The following OSBP2 variants were observed in gnomAD, a reference collection of about 807,000 sequenced individuals.
The protein encoded by OSBP2 is oxysterol binding protein 2, also known as oxysterol-binding protein 2.
Under a neutral mutation model 96.0 loss-of-function variants are expected in OSBP2, and 66 were observed. That is an observed-to-expected ratio of 0.69 (90% CI 0.56 to 0.84). OSBP2 has a LOEUF of 0.84. Among genes scored for constraint, OSBP2 ranks in the 40% least tolerant of loss-of-function variants. The pLI is 0.00. For missense variants in OSBP2, 1,038 were observed against 1,222.7 expected (o/e 0.85, Z 2.25); for synonymous variants, 525 against 520.9 (o/e 1.01, Z -0.11).
chr22:30,693,839 C>T (rs2145652986), upstream of OSBP2: 3 of 496,316 alleles, frequency 6.0e-6, no homozygotes, highest in East Asian at 7.2e-5. Flanking sequence ...TGGTGCGGGC[C>T]GTGGAATTCC....
At chr22:30,716,246 T>G (rs1208383803) in intron 1 of OSBP2, among the ~76,000 whole-genome samples, 1 of 151,866 alleles carries the variant, frequency 6.6e-6, no homozygotes. Flanking sequence ...TTTGCCATGT[T>G]GGCCAGGCTG....
chr22:30,737,816 G>A (rs529656821), intron 1 of OSBP2, among the ~76,000 whole-genome samples: 134 of 150,964 alleles, frequency 8.9e-4, no homozygotes, highest in Non-Finnish European at 1.7e-3. Context: ...GGATTCAAGC[G>A]ATTGTCCTGC....
intron 2 of OSBP2, among the ~76,000 whole-genome samples, chr22:30,744,942 A>C (rs944174550): frequency 4.6e-5 from 7 of 152,184 alleles, no homozygotes; most frequent in Admixed American, 3.9e-4. Flanking sequence ...AGTCTCAATA[A>C]ATTTAAAAAA....
chr22:30,813,833 G>C (rs1213890346), intron 2 of OSBP2, among the ~76,000 whole-genome samples: 1 of 148,364 alleles, frequency 6.7e-6, no homozygotes, highest in Non-Finnish European at 1.5e-5. Context: ...ATGGAGTTTT[G>C]CTCTTGTCAT....
chr22:30,818,881 G>T (rs531230116), intron 2 of OSBP2, among the ~76,000 whole-genome samples: 2 of 152,340 alleles, frequency 1.3e-5, no homozygotes, highest in African/African-American at 4.8e-5. Context: ...CCAGTTTGAT[G>T]TGGGGTCAGA....
At chr22:30,822,677 G>T in intron 2 of OSBP2, 1 of 1,533,848 alleles carries the variant, frequency 6.5e-7, no homozygotes, top group Non-Finnish European at 8.7e-7. Context: ...CGCTCCTTCT[G>T]CAGCTCCGGC....
At chr22:30,831,567 G>T (rs1239369621) in intron 2 of OSBP2, among the ~76,000 whole-genome samples, 1 of 152,136 alleles carries the variant, frequency 6.6e-6, no homozygotes, top group Non-Finnish European at 1.5e-5. Context: ...TTCTTGACTT[G>T]TGGGGCAAAT....
At chr22:30,767,545 C>CT (rs695843) in intron 2 of OSBP2, among the ~76,000 whole-genome samples, 39,612 of 146,314 alleles carry the variant, frequency 0.27, 5,277 homozygotes, top group East Asian at 0.3. Context: ...ATCAGAATTC[C>CT]TTTTTTTTTT....
intron 1 of OSBP2, among the ~76,000 whole-genome samples, chr22:30,739,624 G>T (rs190204198): frequency 6.6e-6 from 1 of 152,118 alleles, no homozygotes; most frequent in East Asian, 1.9e-4. Flanking sequence ...ACAGGTGCAC[G>T]CTACCATGCC....
chr22:30,730,300 A>G (rs981154391), intron 1 of OSBP2, among the ~76,000 whole-genome samples: 3 of 152,194 alleles, frequency 2.0e-5, no homozygotes, highest in African/African-American at 7.2e-5. Context: ...ATAAAGTATA[A>G]AAGTATAACA....
In OSBP2 at chr22:30,887,418, CTCCCCAGGCCTGCAGGGACTTCT is replaced by C; in HGVS notation, c.1108-6_1124del. ...CAGGGTCTCATACCGCCACTCCTCC[CTCCCCAGGCCTGCAGGGACTTCT>C]TGGAACTAGCAGAGATACACAGTCG... On this transcript the variant is annotated splice_acceptor_variant and splice_polypyrimidine_tract_variant and coding_sequence_variant and intron_variant, in exon 4 of 14. Transcript: ENST00000332585. LOFTEE classifies it high-confidence loss of function. 6.2e-7 allele frequency: 1 copy of C among 1,608,812 alleles called. No homozygotes were observed. The highest frequency in any genetic ancestry group is 8.5e-7 in the Non-Finnish European group (1 of 1,176,268).
At position 30,889,513 on chromosome 22, in the gene OSBP2, G is replaced by A. The variant is rs777341041; in HGVS notation, c.1500G>A (p.Val500=). ...ADNVLDGASL[V]PKGSSKVKRR... ...AGGTACTAGATGGTGCCTCGCTCGT[G>A]CCCAAGGGTTCATCCAAAGTCAAGA... The change falls in exon 7 of 14, where the codon GTG becomes GTA. Residue 500 remains valine, a synonymous_variant. Transcript: ENST00000332585. 6.2e-7 allele frequency: 1 copy of A among 1,614,106 alleles called. No homozygotes were observed. Among genetic ancestry groups the A allele is most frequent in the South Asian group, 1.1e-5 (1 of 91,088 alleles).
intron 2 of OSBP2, among the ~76,000 whole-genome samples, chr22:30,750,384 A>G (rs1418966464): frequency 6.6e-6 from 1 of 152,164 alleles, no homozygotes; most frequent in East Asian, 1.9e-4. Context: ...TTGCACTGTG[A>G]ATGCAACCAA....
chr22:30,713,260 T>C (rs1483631988), intron 1 of OSBP2, among the ~76,000 whole-genome samples: 1 of 151,806 alleles, frequency 6.6e-6, no homozygotes, highest in Non-Finnish European at 1.5e-5. Flanking sequence ...TTCTATTTTT[T>C]AGTAGAGACA....
intron 1 of OSBP2, among the ~76,000 whole-genome samples, chr22:30,734,796 T>G (rs1216884817): frequency 1.3e-5 from 2 of 152,228 alleles, no homozygotes; most frequent in Non-Finnish European, 2.9e-5. Flanking sequence ...CTAGCAAATG[T>G]ATCAGATCTT....
At chr22:30,775,133 A>C (rs136318) in intron 2 of OSBP2, among the ~76,000 whole-genome samples, 116,330 of 151,940 alleles carry the variant, frequency 0.77, 45,585 homozygotes, top group African/African-American at 0.93. Flanking sequence ...ATCACCTCTG[A>C]CTAGCTCCAG....
chr22:30,754,297 C>T (rs140816983), intron 2 of OSBP2, among the ~76,000 whole-genome samples: 121 of 152,274 alleles, frequency 7.9e-4, no homozygotes, highest in South Asian at 3.3e-3. Context: ...AAGAAAGCAA[C>T]GCAATCCTGC....
chr22:30,881,822 G>A lies in OSBP2; in HGVS notation c.1108-5604G>A. ...CACCAGGTGGGTGCATCCGGGCTGG[G>A]GGAGGTGGACGGGCTCTCTGCATCC... is the stretch of plus-strand genomic sequence containing the variant. On this transcript the variant is annotated intron_variant, in intron 3 of 13. Coordinates refer to ENST00000332585, the MANE Select transcript of OSBP2 (RefSeq NM_030758.4). The surrounding 1 kb of genome is among the most constrained non-coding windows in gnomAD (Gnocchi z 4.5). The A allele has an allele frequency of 1.5e-6, 2 of 1,303,946 alleles. No homozygotes were observed. The highest frequency in any genetic ancestry group is 2.0e-6 in the Non-Finnish European group (2 of 988,852). The allele number at this position is 1,303,946 out of a possible 1,614,324, so 80.8% of individuals were successfully genotyped here. A position where few individuals can be genotyped will look rare whatever the true frequency, so the allele number is the denominator to read the frequency against.
intron 8 of OSBP2, among the ~76,000 whole-genome samples, 195 bp downstream of exon 8, chr22:30,891,168 T>C (rs1459769421): frequency 6.6e-6 from 1 of 152,160 alleles, no homozygotes; most frequent in Non-Finnish European, 1.5e-5. Context: ...CTCCTGGAGA[T>C]GGCGAGGGGC....
Sources: allele counts gnomAD v4.1 joint callset (sites outside exome capture counted in the v4.1 genomes callset), GRCh38; gene constraint gnomAD v4.1.1; non-coding constraint Gnocchi (gnomAD v3.1); transcripts MANE v1.5; gene names NCBI Gene and HGNC (gene_info 2026-07-23, HGNC 2026-07-21).